MVB12B: variants seen among roughly 807,000 people sequenced by gnomAD.
MVB12B encodes ESCRT-I complex subunit MVB12B.
In MVB12B, 16 loss-of-function variants were observed where a neutral mutation model predicts 41.6. The ratio of observed to expected loss-of-function variants is 0.38; its 90% CI spans 0.26 to 0.58. The LOEUF is 0.58. Among genes scored for constraint, MVB12B ranks in the 20% least tolerant of loss-of-function variants. MVB12B has a pLI of 0.62. For missense variants in MVB12B, 274 were observed against 380.2 expected (o/e 0.72, Z 2.32); for synonymous variants, 133 against 139.7 (o/e 0.95, Z 0.34).
intron 3 of MVB12B, among the ~76,000 whole-genome samples, chr9:126,384,565 G>A (rs11789403): frequency 0.17 from 25,741 of 152,052 alleles, 2,303 homozygotes; most frequent in Middle Eastern, 0.22. Context: ...GTCTTCCTCT[G>A]TCGCCCAGGC....
intron 7 of MVB12B, among the ~76,000 whole-genome samples, chr9:126,439,759 A>G (rs1021333537): frequency 6.6e-6 from 1 of 152,264 alleles, no homozygotes; most frequent in Non-Finnish European, 1.5e-5. Context: ...ATGATTAAAA[A>G]TATTTGTTCT....
intron 7 of MVB12B, among the ~76,000 whole-genome samples, chr9:126,460,854 T>TAAC (rs1413649715): frequency 6.6e-6 from 1 of 152,066 alleles, no homozygotes; most frequent in Non-Finnish European, 1.5e-5. Flanking sequence ...AAAATAGGAA[T>TAAC]AATAATAATA....
intron 7 of MVB12B, among the ~76,000 whole-genome samples, chr9:126,451,019 G>A (rs918965944): frequency 1.3e-5 from 2 of 152,204 alleles, no homozygotes; most frequent in African/African-American, 2.4e-5. Context: ...TGGGCTCTGC[G>A]GTGAGTGGCT....
At chr9:126,469,225 G>A (rs917583622) in intron 7 of MVB12B, among the ~76,000 whole-genome samples, 5 of 152,244 alleles carry the variant, frequency 3.3e-5, no homozygotes, top group Middle Eastern at 3.4e-3. Context: ...ATGCCAACAC[G>A]CAGGTGAATG....
chr9:126,419,340 A>G (rs373210075), intron 6 of MVB12B, among the ~76,000 whole-genome samples: 100 of 152,306 alleles, frequency 6.6e-4, no homozygotes, highest in African/African-American at 2.3e-3. Flanking sequence ...TTAGTCACAC[A>G]CACAAAGCCC....
chr9:126,447,873 C>T (rs190551379), intron 7 of MVB12B, among the ~76,000 whole-genome samples: 16 of 152,278 alleles, frequency 1.1e-4, no homozygotes, highest in Admixed American at 5.9e-4. Context: ...AGGTTTATGA[C>T]GGTTAAAGGT....
intron 7 of MVB12B, among the ~76,000 whole-genome samples, chr9:126,464,758 A>G (rs4837089): frequency 0.87 from 133,197 of 152,236 alleles, 58,431 homozygotes; most frequent in East Asian, 1. Context: ...TCCTTCACAT[A>G]GCGGAAGGCA....
At chr9:126,368,875 C>T (rs371336183) in intron 2 of MVB12B, among the ~76,000 whole-genome samples, 1 of 152,138 alleles carries the variant, frequency 6.6e-6, no homozygotes, top group African/African-American at 2.4e-5. Flanking sequence ...AGAAATACAT[C>T]GTTGTAATTT....
intron 9 of MVB12B, among the ~76,000 whole-genome samples, chr9:126,494,351 C>T (rs1204076479): frequency 6.6e-6 from 1 of 152,206 alleles, no homozygotes; most frequent in Admixed American, 6.5e-5. Flanking sequence ...ACCACCACCA[C>T]ACATCTTGTT....
intron 7 of MVB12B, 138 bp from the exon 8 acceptor site, chr9:126,481,231 C>T: frequency 1.3e-6 from 1 of 762,950 alleles, no homozygotes; most frequent in South Asian, 1.6e-5. Context: ...TTCATAGCTC[C>T]AGCACATCTG....
chr9:126,479,669 G>T (rs1537988), intron 7 of MVB12B, among the ~76,000 whole-genome samples: 1 of 152,066 alleles, frequency 6.6e-6, no homozygotes, highest in South Asian at 2.1e-4. Context: ...ATGGGAGAAG[G>T]CCTCTGACCA....
At chr9:126,453,729 GTACA>G (rs1225348128) in intron 7 of MVB12B, among the ~76,000 whole-genome samples, 16 of 152,340 alleles carry the variant, frequency 1.1e-4, no homozygotes, top group Admixed American at 7.8e-4. Flanking sequence ...ACTCTCACGT[GTACA>G]TACATACCGT....
intron 2 of MVB12B, among the ~76,000 whole-genome samples, chr9:126,353,169 G>A (rs1443577666): frequency 6.6e-6 from 1 of 152,178 alleles, no homozygotes; most frequent in East Asian, 1.9e-4. Context: ...GGAAGGATCT[G>A]TTCTGGTTCT....
chr9:126,393,065 T>C (rs1359106021), intron 5 of MVB12B, among the ~76,000 whole-genome samples: 2 of 152,186 alleles, frequency 1.3e-5, no homozygotes, highest in Admixed American at 1.3e-4. Context: ...GTCTTGTTCC[T>C]CCAGCAGCCT....
intron 4 of MVB12B, among the ~76,000 whole-genome samples, chr9:126,387,130 C>T (rs956345921): frequency 6.6e-6 from 1 of 152,054 alleles, no homozygotes; most frequent in Non-Finnish European, 1.5e-5. Context: ...TTCATAGGTT[C>T]GAATTGGACT....
chr9:126,426,679 C>A (rs571511252), intron 7 of MVB12B, among the ~76,000 whole-genome samples: 1 of 151,904 alleles, frequency 6.6e-6, no homozygotes, highest in African/African-American at 2.4e-5. Context: ...AAAATACATA[C>A]GGCCAAATGA....
Position 126,376,384 on chromosome 9 carries a change from TC to T in MVB12B, c.205-4679del. On this transcript the variant is annotated intron_variant, in intron 2 of 9. Transcript: ENST00000361171. The surrounding 1 kb of genome is among the most constrained non-coding windows in gnomAD (Gnocchi z 4.1). ...CTCCCTTTTTTCTATTTTGGGCCCTTCTGTCATGTCTGAGCCTGTCCCCAGT... is the reference window on the plus strand; with the variant it reads ...CTCCCTTTTTTCTATTTTGGGCCCTTTGTCATGTCTGAGCCTGTCCCCAGT... 1.5e-6 allele frequency: 1 copy of T among 649,372 alleles called. No individual in the cohort carries two copies. The highest frequency in any genetic ancestry group is 2.4e-6 in the Non-Finnish European group (1 of 408,564). The allele number at this position is 649,372 out of a possible 1,614,324, so 40.2% of individuals were successfully genotyped here.
rs571628470 is a variant in MVB12B, at chr9:126,418,751, G to A, written c.663-3103G>A. ...TCAGACTCCCCACGGAGCCTCGAGT[G>A]CTCACCCCTCCTCCCTGCTGCATCT... On this transcript the variant is annotated intron_variant, in intron 6 of 9. Coordinates refer to ENST00000361171, the MANE Select transcript of MVB12B (RefSeq NM_033446.3). Among the ~76,000 whole-genome samples the A allele has an allele frequency of 3.3e-5, 5 of 152,138 alleles. No individual in the cohort carries two copies. In the East Asian group the frequency reaches 9.7e-4, roughly 29 times the overall value.
intron 2 of MVB12B, 99 bp from the exon 3 acceptor site, chr9:126,380,965 C>A: frequency 1.2e-6 from 1 of 814,384 alleles, no homozygotes; most frequent in Non-Finnish European, 2.1e-6. Flanking sequence ...AGATCCCAAG[C>A]TGGTGTTAAT....
Sources: gnomAD v4.1 joint callset for allele counts (sites outside exome capture counted in the v4.1 genomes callset) on GRCh38, gnomAD v4.1.1 for gene constraint, Gnocchi (gnomAD v3.1) non-coding constraint, MANE v1.5 for transcripts, NCBI Gene and HGNC (gene_info 2026-07-23, HGNC 2026-07-21) for gene names.